Variants in MCM3 observed in about 807,000 individuals in gnomAD.
MCM3 encodes DNA replication licensing factor MCM3.
In MCM3, 59 loss-of-function variants were observed where a neutral mutation model predicts 91.3. The ratio of observed to expected loss-of-function variants is 0.65; its 90% CI spans 0.52 to 0.80. The LOEUF is 0.80. Ranked by LOEUF, MCM3 falls within the 30% of genes least tolerant of loss-of-function variation. MCM3 has a pLI of 0.00. For missense variants in MCM3, 919 were observed against 1,035.4 expected, an observed-to-expected ratio of 0.89 and a Z score of 1.54; for synonymous variants, 383 against 379.6, an observed-to-expected ratio of 1.01 and a Z score of -0.10.
At chr6:52,273,485 A>C in intron 10 of MCM3, 129 bp from the exon 11 acceptor site, 3 of 930,000 alleles carry the variant, frequency 3.2e-6, no homozygotes, top group Non-Finnish European at 4.8e-6. Flanking sequence ...AATCAGACAC[A>C]TGGAACCCAC....
At chr6:52,279,981 T>C (rs987569556) in intron 4 of MCM3, among the ~76,000 whole-genome samples, 6 of 152,196 alleles carry the variant, frequency 3.9e-5, no homozygotes, top group Non-Finnish European at 8.8e-5. Flanking sequence ...AATTTTAAAG[T>C]GTAAAAATGC....
intron 9 of MCM3, among the ~76,000 whole-genome samples, chr6:52,275,811 A>G (rs1009007326): frequency 2.6e-5 from 4 of 152,252 alleles, no homozygotes; most frequent in African/African-American, 9.6e-5. Context: ...AGTCATGGTA[A>G]AAACAGAGAT....
At chr6:52,270,254 G>A (rs17240147) in intron 12 of MCM3, among the ~76,000 whole-genome samples, 1,730 of 150,834 alleles carry the variant, frequency 0.011, 27 homozygotes, top group African/African-American at 0.039. Flanking sequence ...GCTTGAACCC[G>A]GGAGGCAGAG....
chr6:52,273,690 C>T, intron 10 of MCM3, 52 bp downstream of exon 10: 3 of 1,538,744 alleles, frequency 1.9e-6, no homozygotes, highest in Non-Finnish European at 2.6e-6. Flanking sequence ...GAGAAACTAC[C>T]ATCTGTTTAG....
chr6:52,266,604 C>A lies in MCM3; in HGVS notation c.2158+7G>T. On this transcript the variant is annotated splice_region_variant and intron_variant, in intron 15 of 16. Coordinates refer to ENST00000596288, the MANE Select transcript of MCM3 (RefSeq NM_002388.6). The stretch of plus-strand genomic sequence containing the variant: ...AACCTCTTTCATCAGTAAGTGGGCT[C>A]ACTCACCTTGAGGCATTTCCTCCTC... 6.2e-7 allele frequency: 1 copy of A among 1,612,972 alleles called. No homozygotes were observed. The highest frequency in any genetic ancestry group is 8.5e-7 in the Non-Finnish European group (1 of 1,178,970).
intron 15 of MCM3, 63 bp downstream of exon 15, chr6:52,266,548 G>A: frequency 7.0e-7 from 1 of 1,429,244 alleles, no homozygotes; most frequent in Non-Finnish European, 9.9e-7. Context: ...AGTGCACAGA[G>A]CAACTGGAAA....
Position 52,282,741 on chromosome 6 carries a change from G to C in MCM3, c.312C>G (p.Gly104=). The change falls in exon 3 of 17, where the codon GGC becomes GGG. Residue 104 remains glycine, a synonymous_variant. Transcript: ENST00000596288. The part of the protein sequence containing the change: ...QYEEFYVGLE[G]SFGSKHVSPR... The stretch of plus-strand genomic sequence containing the variant: ...GGGAGACGTGCTTGGAGCCAAAGCT[G>C]CCTTCCAGTCCTACGTAGAACTCCT... 6.2e-7 allele frequency: 1 copy of C among 1,614,038 alleles called. No homozygotes were observed. The highest frequency in any genetic ancestry group is 8.5e-7 in the Non-Finnish European group (1 of 1,180,030).
At chr6:52,278,436 A>T (rs1432906052) in intron 6 of MCM3, among the ~76,000 whole-genome samples, 10 of 152,242 alleles carry the variant, frequency 6.6e-5, no homozygotes, top group Admixed American at 6.5e-4. Flanking sequence ...GTAGTAATGC[A>T]TCACTAACGC....
At chr6:52,280,123 A>G (rs747707067) in intron 4 of MCM3, among the ~76,000 whole-genome samples, 5 of 152,242 alleles carry the variant, frequency 3.3e-5, no homozygotes, top group East Asian at 1.9e-4. Flanking sequence ...TAAAAAGCCC[A>G]TAAGTATTTA....
chr6:52,266,074 C>T lies in MCM3; in HGVS notation c.2228+1G>A, dbSNP rs768472880. 8 of 1,613,806 alleles carry T rather than the reference C, an allele frequency of 5.0e-6. No individual in the cohort carries two copies. The highest frequency in any genetic ancestry group is 2.2e-5 in the South Asian group (2 of 91,072). ...GGGGCAGGAGCAACATCCGTACTCA[C>T]CTGGATTCACTCAACTCCACTTTCT... On this transcript the variant is annotated splice_donor_variant, in intron 16 of 16. Coordinates refer to ENST00000596288, the MANE Select transcript of MCM3 (RefSeq NM_002388.6). LOFTEE classifies it high-confidence loss of function.
intron 7 of MCM3, 128 bp from the exon 8 acceptor site, chr6:52,277,326 CTT>C: frequency 9.2e-7 from 1 of 1,086,126 alleles, no homozygotes; most frequent in South Asian, 1.7e-5. Context: ...TTTTCCTTCG[CTT>C]TTCCCTTCAC....
intron 12 of MCM3, among the ~76,000 whole-genome samples, chr6:52,270,253 C>G (rs1167497436): frequency 2.0e-5 from 3 of 150,030 alleles, no homozygotes; most frequent in Admixed American, 1.3e-4. Flanking sequence ...AGCTTGAACC[C>G]GGGAGGCAGA....
chr6:52,282,705 A>T lies in MCM3; in HGVS notation c.348T>A (p.Leu116=). ...CCACACAGCTGAGGAAGCAGGAGGTAAGAGTCCGCGGGGAGACGTGCTTGG... is the reference window on the plus strand; with the variant it reads ...CCACACAGCTGAGGAAGCAGGAGGTTAGAGTCCGCGGGGAGACGTGCTTGG... ...FGSKHVSPRT[L]TSCFLSCVVC... Residue 116 remains leucine (L), a synonymous_variant, in exon 3 of 17, where the codon CTT becomes CTA. Transcript: ENST00000596288. The T allele has an allele frequency of 1.2e-6, 2 of 1,613,852 alleles. No homozygotes were observed.
chr6:52,277,220 G>A (rs777399519), intron 7 of MCM3, 22 bp from the exon 8 acceptor site: 1 of 1,606,224 alleles, frequency 6.2e-7, no homozygotes, highest in South Asian at 1.1e-5. Flanking sequence ...GGGCAGTGAT[G>A]ACTCTCTAGG....
chr6:52,269,369 T>C (rs1447866965), intron 12 of MCM3, 143 bp from the exon 13 acceptor site: 1 of 639,476 alleles, frequency 1.6e-6, no homozygotes, highest in Non-Finnish European at 2.6e-6. Context: ...TCTCTACAGA[T>C]ACCATATAAA....
rs759605459 is a variant in MCM3, at chr6:52,282,759, G to C, written c.294C>G (p.Phe98Leu). The change falls in exon 3 of 17, where the codon TTC (phenylalanine) becomes TTG (leucine). Residue 98 changes from phenylalanine (F) to leucine (L), a missense_variant. Phe to Leu is a conservative substitution (Grantham distance 22). Transcript: ENST00000596288. ...CAAAGCTGCCTTCCAGTCCTACGTA[G>C]AACTCCTCATACTGCTTGGCATAGG... ...DATYAKQYEE[F>L]YVGLEGSFGS... 6.2e-7 allele frequency: 1 copy of C among 1,614,042 alleles called. No homozygotes were observed. The highest frequency in any genetic ancestry group is 8.5e-7 in the Non-Finnish European group (1 of 1,180,020).
At position 52,269,195 on chromosome 6, in the gene MCM3, G is replaced by A; in HGVS notation, c.1859C>T (p.Thr620Ile). 1 of 1,613,130 alleles carries A rather than the reference G, an allele frequency of 6.2e-7. No individual in the cohort carries two copies. The highest frequency in any genetic ancestry group is 8.5e-7 in the Non-Finnish European group (1 of 1,179,140). ...TSPVTARTLE[T>I]LIRLATAHAK... ...ATGGGCTGTGGCCAGTCGAATCAGA[G>A]TTTCCAGTGTTCGGGCTGTAACTGG... is the stretch of plus-strand genomic sequence containing the variant. The change falls in exon 13 of 17, where the codon ACT (threonine) becomes ATT (isoleucine). Residue 620 changes from threonine (T) to isoleucine (I), a missense_variant. Transcript: ENST00000596288.
At chr6:52,282,997 A>G (rs1766264012) in intron 2 of MCM3, 136 bp from the exon 3 acceptor site, 1 of 667,738 alleles carries the variant, frequency 1.5e-6, no homozygotes, top group African/African-American at 1.8e-5. Flanking sequence ...AGTCTCAGTA[A>G]AACACCATCC....
In MCM3 at chr6:52,267,796, G is replaced by C. The variant is rs1280056002; in HGVS notation, c.2072+69C>G. 5.5e-6 allele frequency: 4 copies of C among 730,466 alleles called. 1 individual carries two copies. In the Middle Eastern group the frequency reaches 9.1e-4, roughly 166 times the overall value. The allele number at this position is 730,466 out of a possible 1,614,324, so 45.2% of individuals were successfully genotyped here. ...CCGCCTCGGCCTCCCAAATTGCTAA[G>C]ATTACAGGCGTGCACCCCCAACTTC... On this transcript the variant is annotated intron_variant, in intron 14 of 16. Coordinates refer to ENST00000596288, the MANE Select transcript of MCM3 (RefSeq NM_002388.6).
Sources: allele counts gnomAD v4.1 joint callset (sites outside exome capture counted in the v4.1 genomes callset), GRCh38; gene constraint gnomAD v4.1.1; transcripts MANE v1.5; gene names NCBI Gene and HGNC (gene_info 2026-07-23, HGNC 2026-07-21).